The following KDM3B variants were observed in gnomAD, a reference collection of about 807,000 sequenced individuals.
KDM3B encodes the protein lysine demethylase 3B.
A neutral mutation model predicts 170.0 loss-of-function variants in KDM3B; 10 were observed. That is an observed-to-expected ratio of 0.06 (90% CI 0.04 to 0.10). The LOEUF (loss-of-function observed/expected upper bound fraction) is 0.10, where lower values mean the gene tolerates loss of function less well. Among genes scored for constraint, KDM3B ranks in the 10% least tolerant of loss-of-function variants. The pLI, the probability that KDM3B is intolerant of heterozygous loss-of-function variation, is 1.00. For synonymous variants in KDM3B, 831 were observed against 834.8 expected, an observed-to-expected ratio of 1.00 and a Z score of 0.08; for missense variants, 1,394 against 2,195.2, an observed-to-expected ratio of 0.64 and a Z score of 7.29.
At chr5:138,369,883 A>G (rs944294127) in intron 1 of KDM3B, among the ~76,000 whole-genome samples, 1 of 152,250 alleles carries the variant, frequency 6.6e-6, no homozygotes, top group Non-Finnish European at 1.5e-5. Flanking sequence ...AAGATGTGTC[A>G]TATCACACAA....
At chr5:138,419,758 CACACACACAT>C (rs1383615254) in intron 14 of KDM3B, among the ~76,000 whole-genome samples, 1 of 138,296 alleles carries the variant, frequency 7.2e-6, no homozygotes, top group Non-Finnish European at 1.6e-5. Context: ...CACACACACA[CACACACACAT>C]ATATATGAGG....
chr5:138,357,136 G>A (rs754562545), intron 1 of KDM3B, among the ~76,000 whole-genome samples: 4 of 151,924 alleles, frequency 2.6e-5, no homozygotes, highest in East Asian at 1.9e-4. Flanking sequence ...ACAGGCATGC[G>A]CCACCGGGCC....
intron 4 of KDM3B, among the ~76,000 whole-genome samples, chr5:138,378,528 C>T (rs771519752): frequency 1.3e-5 from 2 of 152,060 alleles, no homozygotes; most frequent in Non-Finnish European, 2.9e-5. Flanking sequence ...TCATTTATGT[C>T]GTACATTCAC....
intron 1 of KDM3B, among the ~76,000 whole-genome samples, chr5:138,362,050 T>C (rs1288994796): frequency 6.6e-6 from 1 of 152,168 alleles, no homozygotes; most frequent in Admixed American, 6.5e-5. Context: ...CCGGGCGCTG[T>C]GGCTCACGCC....
Position 138,357,010 on chromosome 5 carries a change from C to T in KDM3B, c.192+4023C>T, listed in dbSNP as rs1383543596. On this transcript the variant is annotated intron_variant, in intron 1 of 23. Transcript: ENST00000314358. Reference sequence around the variant, plus strand: ...AAGAATTTTATGTTATCAGAATTATCGGGCCTCTTTTTGTTTGTTTTGTTT... The same window carrying T: ...AAGAATTTTATGTTATCAGAATTATTGGGCCTCTTTTTGTTTGTTTTGTTT... 4.0e-5 allele frequency among the ~76,000 whole-genome samples: 6 copies of T among 151,562 alleles called. No individual in the cohort carries two copies. In the East Asian group the frequency reaches 5.8e-4, roughly 15 times the overall value.
At chr5:138,433,342 G>C (rs1353992479) in intron 23 of KDM3B, among the ~76,000 whole-genome samples, 1 of 150,204 alleles carries the variant, frequency 6.7e-6, no homozygotes, top group Admixed American at 6.6e-5. Flanking sequence ...TTGAACTCCT[G>C]ACCTCATGAT....
rs1258864911 is a variant in KDM3B, at chr5:138,352,879, T to C, written c.84T>C (p.Ala28=). The C allele has an allele frequency of 1.5e-6, 2 of 1,376,644 alleles. No individual in the cohort carries two copies. Among genetic ancestry groups the C allele is most frequent in the South Asian group, 3.1e-5 (2 of 64,424 alleles). 85.3% of individuals were successfully genotyped at this position (1,376,644 alleles called of 1,614,324 possible). The stretch of plus-strand genomic sequence containing the variant: ...CTGCGGCCTCAGCCTCGGCCTCGGC[T>C]CCCGCGGCGGCAGCGGCGAGCGGAG... ...ADTAASASAS[A]PAAAAASGDP... is the part of the protein sequence containing the mutation. Residue 28 remains alanine (A), a synonymous_variant, in exon 1 of 24, where the codon GCT becomes GCC. Coordinates refer to ENST00000314358, the MANE Select transcript of KDM3B (RefSeq NM_016604.4).
At chr5:138,365,477 C>CA (rs1030897676) in intron 1 of KDM3B, among the ~76,000 whole-genome samples, 6 of 151,676 alleles carry the variant, frequency 4.0e-5, no homozygotes, top group African/African-American at 1.2e-4. Flanking sequence ...AGGCTGGTCT[C>CA]AAACTCCTGA....
intron 1 of KDM3B, among the ~76,000 whole-genome samples, chr5:138,353,377 C>T (rs1372096796): frequency 6.6e-6 from 1 of 152,380 alleles, no homozygotes; most frequent in Middle Eastern, 3.4e-3. Context: ...ACCTGTGGTC[C>T]CCAGCCTCTC....
chr5:138,385,546 T>C (rs1762236506), intron 6 of KDM3B, among the ~76,000 whole-genome samples: 1 of 152,232 alleles, frequency 6.6e-6, no homozygotes, highest in African/African-American at 2.4e-5. Flanking sequence ...TCACTTTTCC[T>C]TTGGTCACAG....
At chr5:138,434,265 AC>A (rs1412663916) in intron 23 of KDM3B, among the ~76,000 whole-genome samples, 2 of 151,284 alleles carry the variant, frequency 1.3e-5, no homozygotes, top group East Asian at 4.0e-4. Flanking sequence ...TTTAAAAACA[AC>A]AGGCTGGGCG....
intron 1 of KDM3B, among the ~76,000 whole-genome samples, chr5:138,358,252 G>C (rs1253125037): frequency 3.3e-5 from 5 of 151,086 alleles, no homozygotes; most frequent in Non-Finnish European, 7.4e-5. Flanking sequence ...CAAGTGCTGG[G>C]ATTACAGGCC....
chr5:138,365,927 A>G (rs1250411443), intron 1 of KDM3B, among the ~76,000 whole-genome samples: 2 of 152,090 alleles, frequency 1.3e-5, no homozygotes, highest in Non-Finnish European at 2.9e-5. Flanking sequence ...GAACCCGGGA[A>G]GCGGAGATTG....
chr5:138,377,676 ATTCATT>A, intron 3 of KDM3B, 38 bp from the exon 4 acceptor site: 1 of 1,360,278 alleles, frequency 7.4e-7, no homozygotes, highest in Non-Finnish European at 1.1e-6. Context: ...GATGTTTGCT[ATTCATT>A]TTAACATTCA....
At chr5:138,389,782 C>CTCTGTGTGTGTGTGTG (rs1554128165) in intron 7 of KDM3B, among the ~76,000 whole-genome samples, 2 of 143,558 alleles carry the variant, frequency 1.4e-5, no homozygotes, top group African/African-American at 5.2e-5. Context: ...CTCTCTCTCT[C>CTCTGTGTGTGTGTGTG]TGTGTGTGTG....
At chr5:138,411,412 A>G (rs914336590) in intron 11 of KDM3B, among the ~76,000 whole-genome samples, 2 of 152,180 alleles carry the variant, frequency 1.3e-5, no homozygotes, top group African/African-American at 4.8e-5. Context: ...CATATCTAAG[A>G]TCTATATCTG....
intron 1 of KDM3B, among the ~76,000 whole-genome samples, chr5:138,367,778 G>T (rs556863110): frequency 2.0e-5 from 3 of 152,138 alleles, no homozygotes; most frequent in African/African-American, 4.8e-5. Flanking sequence ...GCTTTGGGAG[G>T]CCGAGGCAGG....
intron 1 of KDM3B, among the ~76,000 whole-genome samples, chr5:138,362,220 G>A (rs1469137824): frequency 6.6e-6 from 1 of 151,930 alleles, no homozygotes; most frequent in African/African-American, 2.4e-5. Context: ...GGGAGGCTGA[G>A]GCACAAGAAT....
chr5:138,415,974 C>G (rs1763093610), intron 12 of KDM3B, among the ~76,000 whole-genome samples: 1 of 152,100 alleles, frequency 6.6e-6, no homozygotes, highest in South Asian at 2.1e-4. Context: ...GCCTGTAATC[C>G]CAGCACTTTG....
Sources: gnomAD v4.1 joint callset for allele counts (sites outside exome capture counted in the v4.1 genomes callset) on GRCh38, gnomAD v4.1.1 for gene constraint, MANE v1.5 for transcripts, NCBI Gene and HGNC (gene_info 2026-07-23, HGNC 2026-07-21) for gene names.